The following ZNF573 variants were observed in gnomAD, a reference collection of about 807,000 sequenced individuals.
ZNF573 encodes zinc finger protein 573.
A neutral mutation model predicts 57.4 loss-of-function variants in ZNF573; 41 were observed. The ratio of observed to expected loss-of-function variants is 0.71; its 90% confidence interval spans 0.56 to 0.93. ZNF573 has a LOEUF of 0.93. Ranked by LOEUF, ZNF573 falls within the 40% of genes least tolerant of loss-of-function variation. The pLI, the probability that ZNF573 is intolerant of heterozygous loss-of-function variation, is 0.00. For synonymous variants in ZNF573, 249 were observed against 261.0 expected (o/e 0.95, Z 0.44); for missense variants, 730 against 794.8 (o/e 0.92, Z 0.98).
At chr19:37,745,399 T>G (rs561217721) in intron 4 of ZNF573, among the ~76,000 whole-genome samples, 21 of 147,526 alleles carry the variant, frequency 1.4e-4, no homozygotes, top group East Asian at 4.2e-4. Flanking sequence ...TTAATTTTTT[T>G]GGGGGGTGGG....
At chr19:37,744,050 CA>C (rs1387012829) in intron 4 of ZNF573, among the ~76,000 whole-genome samples, 1 of 150,806 alleles carries the variant, frequency 6.6e-6, no homozygotes. Flanking sequence ...ACCACCACGG[CA>C]CACGTATACC....
chr19:37,739,063 C>T lies in ZNF573; in HGVS notation c.1427G>A (p.Gly476Glu). Residue 476 changes from glycine to glutamate, a missense_variant, in exon 5 of 5, where the codon GGG (glycine) becomes GAG (glutamate). Transcript: ENST00000536220. Reference sequence around the variant, plus strand: ...GTTTGAGCCAGTACTATAGGCCTTCCCACATTCCTGACATTCAAAAAGTTT... The same window carrying T: ...GTTTGAGCCAGTACTATAGGCCTTCTCACATTCCTGACATTCAAAAAGTTT... ...GKKLFECQEC[G>E]KAYSTGSNLI... The T allele has an allele frequency of 6.2e-7, 1 of 1,612,930 alleles. No homozygotes were observed. Among genetic ancestry groups the T allele is most frequent in the South Asian group, 1.1e-5 (1 of 90,754 alleles).
At chr19:37,743,303 G>T (rs1239195714) in intron 4 of ZNF573, among the ~76,000 whole-genome samples, 2 of 123,158 alleles carry the variant, frequency 1.6e-5, no homozygotes, top group African/African-American at 3.0e-5. Context: ...CTGGGTGACA[G>T]AGTGAGAATC....
intron 4 of ZNF573, among the ~76,000 whole-genome samples, chr19:37,769,661 G>T (rs1038793022): frequency 6.7e-6 from 1 of 150,116 alleles, no homozygotes; most frequent in African/African-American, 2.5e-5. Flanking sequence ...AGGAGGTGGA[G>T]GTTGCAATAA....
chr19:37,742,159 C>T (rs1426559563), intron 4 of ZNF573, among the ~76,000 whole-genome samples: 1 of 152,042 alleles, frequency 6.6e-6, no homozygotes, highest in Non-Finnish European at 1.5e-5. Context: ...TAAACCACTG[C>T]TCAAGGAAAT....
chr19:37,752,639 T>C (rs965783336), intron 4 of ZNF573, among the ~76,000 whole-genome samples: 5 of 148,928 alleles, frequency 3.4e-5, no homozygotes, highest in Non-Finnish European at 7.4e-5. Flanking sequence ...AGCTTTCTTT[T>C]CTCTTTTTTT....
chr19:37,773,888 A>C (rs2045682285), intron 1 of ZNF573, 137 bp from the exon 2 acceptor site: 1 of 578,554 alleles, frequency 1.7e-6, no homozygotes, highest in Non-Finnish European at 3.0e-6. Context: ...AATGAATCTA[A>C]GCACTCCCTC....
chr19:37,768,631 C>A (rs570574979), intron 4 of ZNF573, among the ~76,000 whole-genome samples: 2 of 152,146 alleles, frequency 1.3e-5, no homozygotes, highest in African/African-American at 4.8e-5. Flanking sequence ...ATTCCACTGC[C>A]TAATAGTAGT....
At position 37,770,091 on chromosome 19, in the gene ZNF573, T is replaced by C. The variant is rs982892786; in HGVS notation, c.209A>G (p.His70Arg). Residue 70 changes from histidine (H) to arginine (R), a missense_variant, in exon 4 of 5, where the codon CAT becomes CGT. Physicochemically the swap from His to Arg is conservative, Grantham distance 29. Transcript: ENST00000536220. ...AACCACAACTGGTTTAGAAATGGAATGTCCTCCTTATAAGAAAAGAAATGC... is the reference window on the plus strand; with the variant it reads ...AACCACAACTGGTTTAGAAATGGAACGTCCTCCTTATAAGAAAAGAAATGC... ...NYRNLVSLGG[H>R]SISKPVVVDL... 6.7e-5 allele frequency: 103 copies of C among 1,548,590 alleles called. No individual in the cohort carries two copies. The highest frequency in any genetic ancestry group is 8.6e-5 in the Non-Finnish European group (99 of 1,146,032).
At chr19:37,769,727 G>GAAAAAA (rs397944905) in intron 4 of ZNF573, among the ~76,000 whole-genome samples, 24 of 55,112 alleles carry the variant, frequency 4.4e-4, no homozygotes, top group Non-Finnish European at 5.6e-4. Context: ...CTCTGTCTCG[G>GAAAAAA]AAAAAAAAAA....
chr19:37,775,147 G>T (rs2045696289), intron 1 of ZNF573, among the ~76,000 whole-genome samples: 1 of 151,792 alleles, frequency 6.6e-6, no homozygotes, highest in African/African-American at 2.4e-5. Context: ...CTCCTGAGTG[G>T]CTGGGACTAA....
chr19:37,762,827 A>G (rs2045565013), intron 4 of ZNF573, among the ~76,000 whole-genome samples: 1 of 149,764 alleles, frequency 6.7e-6, no homozygotes, highest in Non-Finnish European at 1.5e-5. Context: ...GCTGGAGTGC[A>G]GTGGTGCGAT....
chr19:37,764,968 T>C (rs1284603079), intron 4 of ZNF573, among the ~76,000 whole-genome samples: 1 of 146,206 alleles, frequency 6.8e-6, no homozygotes, highest in African/African-American at 2.5e-5. Flanking sequence ...TGCAGTGGCA[T>C]GATCTCTGTT....
intron 4 of ZNF573, among the ~76,000 whole-genome samples, chr19:37,753,824 C>T (rs2045462111): frequency 6.6e-6 from 1 of 152,138 alleles, no homozygotes; most frequent in African/African-American, 2.4e-5. Context: ...CTTAGTGTTA[C>T]TTAAACTCAG....
In ZNF573 at chr19:37,773,682, G is replaced by T. The variant is rs1297991210; in HGVS notation, c.48C>A (p.Tyr16Ter). 13 of 1,535,550 alleles carry T rather than the reference G, an allele frequency of 8.5e-6. 1 individual carries two copies. Among genetic ancestry groups the T allele is most frequent in the Middle Eastern group, 1.7e-4 (1 of 6,010 alleles). The part of the protein sequence containing the change: ...EPHQVGLIRS[Y>*]NSKTMTCFQE... Reference sequence around the variant, plus strand: ...TTACACAGGTCATGGTTTTAGAATTGTAAGACCTGATCAGTCCTACTTGGT... The same window carrying T: ...TTACACAGGTCATGGTTTTAGAATTTTAAGACCTGATCAGTCCTACTTGGT... Residue 16 changes from tyrosine (Y) to a stop codon, truncating the protein, a stop_gained, in exon 2 of 5, where the codon TAC (tyrosine) becomes TAA (stop). Coordinates refer to ENST00000536220, the MANE Select transcript of ZNF573 (RefSeq NM_001172690.2). LOFTEE classifies it high-confidence loss of function.
At chr19:37,758,226 T>A (rs1321589463) in intron 4 of ZNF573, among the ~76,000 whole-genome samples, 8,714 of 23,304 alleles carry the variant, frequency 0.37, 1,867 homozygotes, top group Non-Finnish European at 0.46. Context: ...TATATATATA[T>A]ATATATATAT....
intron 2 of ZNF573, among the ~76,000 whole-genome samples, chr19:37,772,578 T>C (rs985073858): frequency 1.3e-5 from 2 of 152,130 alleles, no homozygotes; most frequent in Non-Finnish European, 2.9e-5. Context: ...AATTTTATAA[T>C]GAATATTTCA....
chr19:37,766,099 A>G (rs2045599777), intron 4 of ZNF573, among the ~76,000 whole-genome samples: 1 of 152,194 alleles, frequency 6.6e-6, no homozygotes, highest in Non-Finnish European at 1.5e-5. Context: ...TCCAAATGGT[A>G]TCAGTAGTTA....
chr19:37,767,853 G>T (rs998386965), intron 4 of ZNF573, among the ~76,000 whole-genome samples: 1 of 152,162 alleles, frequency 6.6e-6, no homozygotes, highest in Non-Finnish European at 1.5e-5. Flanking sequence ...TTAGAGACTT[G>T]CGAAAACTTA....
Sources: gnomAD v4.1 joint callset for allele counts (sites outside exome capture counted in the v4.1 genomes callset) on GRCh38, gnomAD v4.1.1 for gene constraint, MANE v1.5 for transcripts, NCBI Gene and HGNC (gene_info 2026-07-23, HGNC 2026-07-21) for gene names.